The following CDH12 variants were observed in gnomAD, a reference collection of about 807,000 sequenced individuals.
The protein encoded by CDH12 is cadherin 12.
CDH12 carries 41 observed loss-of-function variants against 74.1 expected under a neutral mutation model. The observed-to-expected ratio is 0.55, with a 90% CI of 0.43 to 0.72. CDH12 has a LOEUF of 0.72. CDH12 is among the 30% of genes least tolerant of loss of function. The pLI, the probability that CDH12 is intolerant of heterozygous loss-of-function variation, is 0.00. For missense variants in CDH12, 945 were observed against 977.2 expected, an observed-to-expected ratio of 0.97 and a Z score of 0.44; for synonymous variants, 399 against 355.0, an observed-to-expected ratio of 1.12 and a Z score of -1.39.
chr5:22,034,913 G>A lies in CDH12; in HGVS notation c.231+43533C>T, dbSNP rs116035947. ...ACAATACCAGGTACAGTAAGTCATC[G>A]GTTAACGCCATTGACAGGTTCTTGA... is the stretch of plus-strand genomic sequence containing the variant. On this transcript the variant is annotated intron_variant, in intron 5 of 14. Transcript: ENST00000382254. Among the ~76,000 whole-genome samples, 776 of 152,188 alleles carry A rather than the reference G, an allele frequency of 5.1e-3. 4 individuals carry two copies. The highest frequency in any genetic ancestry group is 0.017 in the African/African-American group (721 of 41,516).
chr5:21,795,211 A>ATT (rs5866527), intron 10 of CDH12, among the ~76,000 whole-genome samples: 112 of 151,124 alleles, frequency 7.4e-4, no homozygotes, highest in Non-Finnish European at 1.4e-3. Flanking sequence ...AATAAATGTG[A>ATT]TTTTTTTTAA....
At chr5:22,716,603 T>G (rs1314434551) in intron 1 of CDH12, among the ~76,000 whole-genome samples, 1 of 95,392 alleles carries the variant, frequency 1.0e-5, no homozygotes, top group East Asian at 3.1e-4. Flanking sequence ...AAAAATTACC[T>G]GAAAACTTAA....
At chr5:22,429,504 A>G (rs187145265) in intron 2 of CDH12, among the ~76,000 whole-genome samples, 11 of 152,222 alleles carry the variant, frequency 7.2e-5, no homozygotes, top group African/African-American at 2.2e-4. Context: ...TTTAAAAATA[A>G]TATTTTAGCT....
chr5:22,184,804 A>G (rs1204775348), intron 4 of CDH12, among the ~76,000 whole-genome samples: 2 of 152,212 alleles, frequency 1.3e-5, no homozygotes, highest in Non-Finnish European at 2.9e-5. Flanking sequence ...CTCCATGTGG[A>G]AAATGTTGCC....
At chr5:22,822,682 G>T (rs568758215) in intron 1 of CDH12, among the ~76,000 whole-genome samples, 1 of 152,246 alleles carries the variant, frequency 6.6e-6, no homozygotes, top group East Asian at 1.9e-4. Context: ...ACCACAATGA[G>T]ATACCATCTC....
At chr5:22,222,667 C>A (rs1262193067) in intron 3 of CDH12, among the ~76,000 whole-genome samples, 1 of 151,422 alleles carries the variant, frequency 6.6e-6, no homozygotes, top group Admixed American at 6.6e-5. Context: ...TAATTTATAT[C>A]TTCATTTATA....
intron 4 of CDH12, among the ~76,000 whole-genome samples, chr5:22,200,163 T>C (rs1750846625): frequency 6.6e-6 from 1 of 152,150 alleles, no homozygotes; most frequent in Non-Finnish European, 1.5e-5. Flanking sequence ...ATATTAAATA[T>C]AACAGTGTAA....
intron 1 of CDH12, among the ~76,000 whole-genome samples, chr5:22,644,252 C>T (rs1369165498): frequency 2.6e-5 from 4 of 151,952 alleles, no homozygotes; most frequent in African/African-American, 7.3e-5. Flanking sequence ...CTAGGACCCT[C>T]GCAATAACAG....
Position 22,181,766 on chromosome 5 carries a change from T to C in CDH12, c.-187+30732A>G, listed in dbSNP as rs557714380. 8.3e-3 allele frequency among the ~76,000 whole-genome samples: 1,268 copies of C among 152,274 alleles called. 19 individuals are homozygous for C. Among genetic ancestry groups the C allele is most frequent in the African/African-American group, 0.029 (1,186 of 41,552 alleles). On this transcript the variant is annotated intron_variant, in intron 4 of 14. Coordinates refer to ENST00000382254, the MANE Select transcript of CDH12 (RefSeq NM_004061.5). The stretch of plus-strand genomic sequence containing the variant: ...TAATTTCAGGGAATGGTAATTTCCC[T>C]TTCTGCAAATTAGACATCTGGGAGT...
intron 5 of CDH12, among the ~76,000 whole-genome samples, chr5:22,035,755 C>T (rs1314066313): frequency 6.6e-6 from 1 of 150,686 alleles, no homozygotes; most frequent in Non-Finnish European, 1.5e-5. Context: ...CACACACTCC[C>T]CAGAGGAAGG....
intron 6 of CDH12, among the ~76,000 whole-genome samples, chr5:21,904,745 C>T (rs1753558914): frequency 6.6e-6 from 1 of 151,934 alleles, no homozygotes; most frequent in South Asian, 2.1e-4. Context: ...CACCACTATA[C>T]TCCAGCCTGA....
intron 2 of CDH12, among the ~76,000 whole-genome samples, chr5:22,487,159 C>T (rs558179497): frequency 4.7e-4 from 72 of 151,988 alleles, no homozygotes; most frequent in African/African-American, 1.4e-3. Context: ...TGTGCCACCA[C>T]GCCCCACTAA....
At chr5:22,450,400 C>G (rs1300093177) in intron 2 of CDH12, among the ~76,000 whole-genome samples, 8 of 151,916 alleles carry the variant, frequency 5.3e-5, no homozygotes, top group Admixed American at 5.3e-4. Flanking sequence ...TATTAAAAGT[C>G]TTCTCAATCT....
chr5:21,939,356 C>T lies in CDH12; in HGVS notation c.526+35735G>A, dbSNP rs187153320. On this transcript the variant is annotated intron_variant, in intron 6 of 14. Coordinates refer to ENST00000382254, the MANE Select transcript of CDH12 (RefSeq NM_004061.5). ...ATGTAATAATTAGACTTTTAAAATG[C>T]CAGTAAGGTAATATATACAAATAGC... is the stretch of plus-strand genomic sequence containing the variant. 7.6e-4 allele frequency among the ~76,000 whole-genome samples: 115 copies of T among 151,476 alleles called. 1 individual carries two copies. In the East Asian group the frequency reaches 0.019, roughly 25 times the overall value.
intron 2 of CDH12, among the ~76,000 whole-genome samples, chr5:22,478,439 A>G (rs571667627): frequency 3.5e-5 from 5 of 144,568 alleles, no homozygotes; most frequent in Admixed American, 2.1e-4. Context: ...AAAAAAAAAG[A>G]AAGAAATAAT....
chr5:22,343,874 A>G (rs561685117), intron 3 of CDH12, among the ~76,000 whole-genome samples: 1 of 152,322 alleles, frequency 6.6e-6, no homozygotes, highest in African/African-American at 2.4e-5. Context: ...CTATCTCTTT[A>G]TTAATTGCTC....
At chr5:21,946,993 T>C (rs1354848812) in intron 6 of CDH12, among the ~76,000 whole-genome samples, 2 of 152,146 alleles carry the variant, frequency 1.3e-5, no homozygotes, top group Non-Finnish European at 2.9e-5. Flanking sequence ...GTGAGTAAGT[T>C]TTCATGAGAT....
chr5:21,821,228 TA>T (rs952317158), intron 8 of CDH12, among the ~76,000 whole-genome samples: 17 of 150,380 alleles, frequency 1.1e-4, no homozygotes, highest in African/African-American at 3.4e-4. Context: ...ATTGCTACTT[TA>T]AAAAAAAAGG....
intron 1 of CDH12, among the ~76,000 whole-genome samples, chr5:22,588,913 G>A (rs901305795): frequency 2.0e-5 from 3 of 151,900 alleles, no homozygotes; most frequent in African/African-American, 7.3e-5. Flanking sequence ...TTCTTTGTAA[G>A]ATCACTCTTA....
Sources: gnomAD v4.1 joint callset for allele counts (sites outside exome capture counted in the v4.1 genomes callset) on GRCh38, gnomAD v4.1.1 for gene constraint, MANE v1.5 for transcripts, NCBI Gene and HGNC (gene_info 2026-07-23, HGNC 2026-07-21) for gene names.